The following ARHGAP10 variants were observed in gnomAD, a reference collection of about 807,000 sequenced individuals.
The protein encoded by ARHGAP10 is Rho GTPase activating protein 10, also known as rho GTPase-activating protein 10.
Under a neutral mutation model 108.6 loss-of-function variants are expected in ARHGAP10, and 87 were observed. The observed-to-expected ratio is 0.80, with a 90% confidence interval of 0.67 to 0.96. ARHGAP10 has a LOEUF of 0.96. ARHGAP10 is among the 40% of genes least tolerant of loss of function. The pLI is 0.00. For missense variants in ARHGAP10, 939 were observed against 954.5 expected (o/e 0.98, Z 0.21); for synonymous variants, 347 against 341.1 (o/e 1.02, Z -0.19).
intron 3 of ARHGAP10, among the ~76,000 whole-genome samples, chr4:147,846,733 T>A (rs1396718233): frequency 6.6e-6 from 1 of 152,204 alleles, no homozygotes; most frequent in African/African-American, 2.4e-5. Context: ...GTAGCTACAG[T>A]CCTAGTTCTT....
At chr4:147,820,711 C>T (rs1732460619) in intron 1 of ARHGAP10, among the ~76,000 whole-genome samples, 1 of 151,210 alleles carries the variant, frequency 6.6e-6, no homozygotes, top group Non-Finnish European at 1.5e-5. Flanking sequence ...GTGCCTCAGC[C>T]TCCCAAGTAG....
chr4:147,886,087 C>G (rs958454324), intron 10 of ARHGAP10, among the ~76,000 whole-genome samples: 1 of 152,142 alleles, frequency 6.6e-6, no homozygotes, highest in African/African-American at 2.4e-5. Flanking sequence ...GTATATGAAA[C>G]GTACATGAAT....
chr4:147,937,044 G>A (rs1340214665), intron 13 of ARHGAP10, among the ~76,000 whole-genome samples: 1 of 152,196 alleles, frequency 6.6e-6, no homozygotes, highest in Non-Finnish European at 1.5e-5. Context: ...TAAATGTAAT[G>A]CTCTTGAATC....
At chr4:147,840,273 A>G (rs889294685) in intron 3 of ARHGAP10, among the ~76,000 whole-genome samples, 1 of 152,064 alleles carries the variant, frequency 6.6e-6, no homozygotes, top group Non-Finnish European at 1.5e-5. Context: ...CTACCCATCA[A>G]ACCTGGCTTT....
At chr4:147,917,972 C>T (rs1241704637) in intron 13 of ARHGAP10, among the ~76,000 whole-genome samples, 1 of 151,928 alleles carries the variant, frequency 6.6e-6, no homozygotes, top group African/African-American at 2.4e-5. Flanking sequence ...TTAGGAGAGC[C>T]TGTATTTTGT....
At chr4:147,826,951 A>T (rs1732732174) in intron 3 of ARHGAP10, among the ~76,000 whole-genome samples, 1 of 152,268 alleles carries the variant, frequency 6.6e-6, no homozygotes, top group Non-Finnish European at 1.5e-5. Flanking sequence ...CATTTGACTG[A>T]TACATTTCCA....
chr4:147,943,527 T>C (rs1738245187), intron 14 of ARHGAP10, among the ~76,000 whole-genome samples: 2 of 152,344 alleles, frequency 1.3e-5, no homozygotes, highest in African/African-American at 4.8e-5. Context: ...AATTGCACTT[T>C]GCATTTAGGT....
At chr4:148,053,107 A>T (rs1310258280) in intron 20 of ARHGAP10, among the ~76,000 whole-genome samples, 2 of 152,258 alleles carry the variant, frequency 1.3e-5, no homozygotes, top group Middle Eastern at 6.8e-3. Context: ...AGTGCGGTAG[A>T]TATATCTTCA....
intron 1 of ARHGAP10, among the ~76,000 whole-genome samples, chr4:147,810,940 A>G (rs1731993142): frequency 6.6e-6 from 1 of 152,218 alleles, no homozygotes; most frequent in African/African-American, 2.4e-5. Flanking sequence ...AAATGAATAG[A>G]AATATCCCTG....
chr4:147,864,345 C>CT (rs1479701467), intron 5 of ARHGAP10: 1 of 153,004 alleles, frequency 6.5e-6, no homozygotes. Flanking sequence ...GCTGCCATGG[C>CT]TGGCTCCTTC....
chr4:147,793,316 A>G (rs1475056089), intron 1 of ARHGAP10, among the ~76,000 whole-genome samples: 1 of 65,526 alleles, frequency 1.5e-5, no homozygotes, highest in Non-Finnish European at 3.9e-5. Flanking sequence ...ATATATATAT[A>G]TATATTTTTT....
intron 18 of ARHGAP10, among the ~76,000 whole-genome samples, chr4:148,020,488 G>A (rs1232294303): frequency 6.6e-6 from 1 of 151,818 alleles, no homozygotes; most frequent in Non-Finnish European, 1.5e-5. Context: ...GTTCACCCCA[G>A]GTGTCCATGG....
At chr4:147,886,779 T>C (rs1204121900) in intron 10 of ARHGAP10, among the ~76,000 whole-genome samples, 3 of 152,190 alleles carry the variant, frequency 2.0e-5, no homozygotes, top group African/African-American at 7.2e-5. Flanking sequence ...TTTTTCTTTT[T>C]CTTTTCTTTG....
chr4:147,763,044 A>G (rs1729653418), intron 1 of ARHGAP10, among the ~76,000 whole-genome samples: 1 of 152,214 alleles, frequency 6.6e-6, no homozygotes, highest in Non-Finnish European at 1.5e-5. Flanking sequence ...TAATTATATA[A>G]TATGAAAACA....
At chr4:147,928,436 C>A (rs1737545935) in intron 13 of ARHGAP10, among the ~76,000 whole-genome samples, 1 of 152,126 alleles carries the variant, frequency 6.6e-6, no homozygotes, top group African/African-American at 2.4e-5. Flanking sequence ...GATCCTAAGA[C>A]CTTTCCTGAA....
chr4:147,884,527 T>G (rs1180137489), intron 10 of ARHGAP10, among the ~76,000 whole-genome samples: 1 of 152,246 alleles, frequency 6.6e-6, no homozygotes, highest in African/African-American at 2.4e-5. Flanking sequence ...GCTTCCGTCT[T>G]TTTTCTTGCA....
chr4:147,838,566 A>G (rs1388930005), intron 3 of ARHGAP10, among the ~76,000 whole-genome samples: 3 of 151,972 alleles, frequency 2.0e-5, no homozygotes, highest in Non-Finnish European at 2.9e-5. Context: ...CACAGGGTCT[A>G]ACTGTTGCTT....
chr4:147,784,911 AATATATTATAAAAT>A (rs1730815152), intron 1 of ARHGAP10, among the ~76,000 whole-genome samples: 2 of 116,412 alleles, frequency 1.7e-5, no homozygotes, highest in Admixed American at 2.2e-4. Flanking sequence ...TTATAAATAT[AATATATTATAAAAT>A]ATATGTTATA....
chr4:147,741,763 T>C (rs1415179735), intron 1 of ARHGAP10, among the ~76,000 whole-genome samples: 1 of 141,854 alleles, frequency 7.0e-6, no homozygotes, highest in African/African-American at 2.7e-5. Flanking sequence ...GATATCGTTC[T>C]CTTTACACAC....
Sources: allele counts gnomAD v4.1 joint callset (sites outside exome capture counted in the v4.1 genomes callset), GRCh38; gene constraint gnomAD v4.1.1; transcripts MANE v1.5; gene names NCBI Gene and HGNC (gene_info 2026-07-23, HGNC 2026-07-21).